ZNG1A: variants seen among roughly 807,000 people sequenced by gnomAD.
The protein encoded by ZNG1A is Zn regulated GTPase metalloprotein activator 1A, also known as zinc-regulated GTPase metalloprotein activator 1A.
At chr9:170,991 A>C in the ZNG1A span, among the ~76,000 whole-genome samples, 1 of 149,242 alleles carries the variant, frequency 6.7e-6, no homozygotes, top group South Asian at 2.2e-4. Flanking sequence ...AAATAAACTG[A>C]TATTTGCTAT....
the ZNG1A span, among the ~76,000 whole-genome samples, chr9:170,674 C>A: frequency 6.9e-6 from 1 of 144,856 alleles, no homozygotes; most frequent in Non-Finnish European, 1.5e-5. Flanking sequence ...GCATGAGCCA[C>A]CATGCCCAGC....
the ZNG1A span, among the ~76,000 whole-genome samples, chr9:163,042 G>C: frequency 6.6e-6 from 1 of 150,900 alleles, no homozygotes; most frequent in Non-Finnish European, 1.5e-5. Context: ...ACAAAAGAAT[G>C]AGTTTAATTA....
At chr9:146,381 A>T in the ZNG1A span, 1 of 403,526 alleles carries the variant, frequency 2.5e-6, no homozygotes, top group Non-Finnish European at 4.3e-6. Context: ...TTCAATCCTG[A>T]AATTTATGAG....
At chr9:164,793 G>C in the ZNG1A span, among the ~76,000 whole-genome samples, 1 of 151,686 alleles carries the variant, frequency 6.6e-6, no homozygotes, top group African/African-American at 2.4e-5. Flanking sequence ...AAAAGAATGA[G>C]TGTAGGAGAA....
At chr9:176,118 T>TA in the ZNG1A span, among the ~76,000 whole-genome samples, 2 of 145,048 alleles carry the variant, frequency 1.4e-5, no homozygotes, top group East Asian at 3.9e-4. Flanking sequence ...TCAGGCTGAC[T>TA]ATATGGCTAC....
chr9:176,472 G>A, the ZNG1A span, among the ~76,000 whole-genome samples: 1 of 149,970 alleles, frequency 6.7e-6, no homozygotes. Flanking sequence ...ACTTTTACAT[G>A]TAGGCTATAC....
chr9:161,105 G>C, the ZNG1A span, among the ~76,000 whole-genome samples: 1 of 151,900 alleles, frequency 6.6e-6, no homozygotes, highest in Non-Finnish European at 1.5e-5. Context: ...GTAGCTATTT[G>C]ACAAACCTGA....
the ZNG1A span, chr9:154,025 A>G: frequency 1.3e-5 from 2 of 152,296 alleles, no homozygotes; most frequent in Non-Finnish European, 2.9e-5. Flanking sequence ...TTTGTTTTCA[A>G]AAGGAATGGG....
At chr9:153,259 T>C in the ZNG1A span, 1 of 151,788 alleles carries the variant, frequency 6.6e-6, no homozygotes, top group Non-Finnish European at 1.5e-5. Flanking sequence ...GAAACAAGAT[T>C]AGAAGACCAG....
At chr9:145,001 T>C in the ZNG1A span, among the ~76,000 whole-genome samples, 4,092 of 146,192 alleles carry the variant, frequency 0.028, 75 homozygotes, top group African/African-American at 0.056. Context: ...AATGAGATAC[T>C]ATCTCACACC....
At chr9:174,821 T>C in the ZNG1A span, among the ~76,000 whole-genome samples, 1 of 151,046 alleles carries the variant, frequency 6.6e-6, no homozygotes, top group African/African-American at 2.5e-5. Flanking sequence ...TCTATAAAGA[T>C]AACAGAAGTA....
At chr9:127,820 C>T in the ZNG1A span, among the ~76,000 whole-genome samples, 3,645 of 152,202 alleles carry the variant, frequency 0.024, 18 homozygotes, top group African/African-American at 0.084. Context: ...TAAAGAGGTT[C>T]TGTTTTGATA....
chr9:160,088 G>A, the ZNG1A span: 1 of 454,688 alleles, frequency 2.2e-6, no homozygotes, highest in Middle Eastern at 6.9e-4. Context: ...AGTAGCCTGG[G>A]TGTCAAGTCC....
At chr9:161,793 G>A in the ZNG1A span, 2 of 481,282 alleles carry the variant, frequency 4.2e-6, no homozygotes, top group Admixed American at 2.5e-5. Context: ...ATAGCAGGAT[G>A]TCTTTTACAC....
At chr9:134,613 AC>A in the ZNG1A span, among the ~76,000 whole-genome samples, 1 of 1,786 alleles carries the variant, frequency 5.6e-4, no homozygotes, top group Non-Finnish European at 9.5e-4. Context: ...CTTATATCAG[AC>A]CTTTCCTTAA....
At chr9:142,792 G>T in the ZNG1A span, among the ~76,000 whole-genome samples, 1,456 of 141,328 alleles carry the variant, frequency 0.01, 28 homozygotes, top group African/African-American at 0.037. Context: ...TTGATAGACC[G>T]CTAGCAAGAC....
chr9:172,022 C>T, the ZNG1A span: 12 of 1,607,154 alleles, frequency 7.5e-6, no homozygotes, highest in South Asian at 8.8e-5. Context: ...TCCTCTAATA[C>T]ATCTATTTAC....
the ZNG1A span, chr9:151,247 AC>A: frequency 1.0e-6 from 1 of 982,454 alleles, no homozygotes; most frequent in East Asian, 1.2e-4. Flanking sequence ...TTACTGCCTA[AC>A]ACTTATGGCA....
the ZNG1A span, among the ~76,000 whole-genome samples, chr9:169,107 A>C: frequency 2.6e-5 from 4 of 152,274 alleles, no homozygotes; most frequent in African/African-American, 9.6e-5. Flanking sequence ...AAGTAAATTG[A>C]AAACCTTCTG....
Sources: allele counts gnomAD v4.1 joint callset (sites outside exome capture counted in the v4.1 genomes callset), GRCh38; gene constraint gnomAD v4.1.1; transcripts MANE v1.5; gene names NCBI Gene and HGNC (gene_info 2026-07-23, HGNC 2026-07-21).